CNTNAP2: variants seen among roughly 807,000 people sequenced by gnomAD.
CNTNAP2 encodes the protein contactin associated protein 2.
A neutral mutation model predicts 155.2 loss-of-function variants in CNTNAP2; 98 were observed. The ratio of observed to expected loss-of-function variants is 0.63; its 90% confidence interval spans 0.54 to 0.75. The LOEUF is 0.75. Ranked by LOEUF, CNTNAP2 falls within the 30% of genes least tolerant of loss-of-function variation. The pLI, the probability that CNTNAP2 is intolerant of heterozygous loss-of-function variation, is 0.00. For synonymous variants in CNTNAP2, 651 were observed against 631.2 expected, an observed-to-expected ratio of 1.03 and a Z score of -0.47; for missense variants, 1,727 against 1,688.1, an observed-to-expected ratio of 1.02 and a Z score of -0.40.
intron 10 of CNTNAP2, among the ~76,000 whole-genome samples, chr7:147,448,155 A>G (rs1049726924): frequency 6.6e-6 from 1 of 152,138 alleles, no homozygotes; most frequent in Non-Finnish European, 1.5e-5. Context: ...ATGAAAAGTG[A>G]TATATAGTAT....
chr7:146,508,178 T>G (rs930075367), intron 1 of CNTNAP2, among the ~76,000 whole-genome samples: 6 of 152,326 alleles, frequency 3.9e-5, no homozygotes, highest in African/African-American at 1.4e-4. Flanking sequence ...CTAGTCTCAG[T>G]TATCGCCATA....
intron 21 of CNTNAP2, among the ~76,000 whole-genome samples, chr7:148,358,370 G>A (rs968405328): frequency 6.6e-6 from 1 of 152,206 alleles, no homozygotes; most frequent in African/African-American, 2.4e-5. Context: ...GCAGCCATGA[G>A]ACCATGGCAA....
At position 147,622,113 on chromosome 7, in the gene CNTNAP2, CAG is replaced by C. The variant is rs1794869590; in HGVS notation, c.1898-16992_1898-16991del. On this transcript the variant is annotated intron_variant, in intron 12 of 23. Transcript: ENST00000361727. Reference sequence around the variant, plus strand: ...CAGTTTTAAATACATATGCATTTAACAGTGGAGTACCGCGATATATAAAGCAA... The same window carrying C: ...CAGTTTTAAATACATATGCATTTAACTGGAGTACCGCGATATATAAAGCAA... Among the ~76,000 whole-genome samples, 7 of 151,954 alleles carry C rather than the reference CAG, an allele frequency of 4.6e-5. No homozygotes were observed. In the South Asian group the frequency reaches 1.5e-3, roughly 31 times the overall value.
intron 5 of CNTNAP2, among the ~76,000 whole-genome samples, chr7:147,111,549 G>C (rs535061676): frequency 1.9e-4 from 29 of 152,252 alleles, no homozygotes; most frequent in African/African-American, 6.5e-4. Flanking sequence ...TTTTTGTACA[G>C]TGTAAGGAAG....
At chr7:147,181,737 T>C (rs1017490368) in intron 8 of CNTNAP2, among the ~76,000 whole-genome samples, 3 of 152,208 alleles carry the variant, frequency 2.0e-5, no homozygotes, top group African/African-American at 7.2e-5. Flanking sequence ...CTTTCAAAAA[T>C]ATAAAATACT....
intron 14 of CNTNAP2, among the ~76,000 whole-genome samples, chr7:147,921,300 A>G (rs1035134206): frequency 7.2e-5 from 11 of 152,146 alleles, no homozygotes; most frequent in Non-Finnish European, 1.2e-4. Flanking sequence ...CTCAATCTGT[A>G]TCTTTGGTGT....
intron 21 of CNTNAP2, among the ~76,000 whole-genome samples, chr7:148,352,594 C>T (rs1798446747): frequency 6.6e-6 from 1 of 152,218 alleles, no homozygotes; most frequent in Non-Finnish European, 1.5e-5. Context: ...AAGTGCCTGT[C>T]AAGCTAGAGC....
intron 13 of CNTNAP2, among the ~76,000 whole-genome samples, chr7:147,772,446 C>CCA (rs71527835): frequency 1.6e-5 from 1 of 63,744 alleles, no homozygotes; most frequent in Non-Finnish European, 2.8e-5. Context: ...CTCTCTCTCG[C>CCA]TATATATATA....
chr7:147,693,210 T>G (rs1294918054), intron 13 of CNTNAP2, among the ~76,000 whole-genome samples: 1 of 152,104 alleles, frequency 6.6e-6, no homozygotes, highest in Non-Finnish European at 1.5e-5. Flanking sequence ...AATCTATTTG[T>G]CTAATCTTTT....
chr7:148,413,486 T>G (rs1455393467), intron 23 of CNTNAP2, among the ~76,000 whole-genome samples: 4 of 142,128 alleles, frequency 2.8e-5, no homozygotes, highest in African/African-American at 1.0e-4. Flanking sequence ...CTGGTTTTAG[T>G]GTCAGGATAA....
chr7:148,389,805 A>T (rs939458619), intron 22 of CNTNAP2: 4 of 152,102 alleles, frequency 2.6e-5, no homozygotes, highest in Non-Finnish European at 4.4e-5. Context: ...GCTGCTGATG[A>T]TCACTCTTCT....
intron 15 of CNTNAP2, among the ~76,000 whole-genome samples, chr7:148,050,117 G>A (rs185776899): frequency 3.3e-5 from 5 of 152,142 alleles, no homozygotes; most frequent in African/African-American, 1.2e-4. Context: ...CCAAGATCGC[G>A]CCACTGCACT....
At chr7:147,354,350 A>G (rs1350994417) in intron 9 of CNTNAP2, among the ~76,000 whole-genome samples, 1 of 152,188 alleles carries the variant, frequency 6.6e-6, no homozygotes, top group African/African-American at 2.4e-5. Context: ...AGTTTTCCGC[A>G]TATGGCTAGC....
rs575300610 is a variant in CNTNAP2, at chr7:147,382,863, A to T, written c.1499-12746A>T. The stretch of plus-strand genomic sequence containing the variant: ...GATGTAGTACATTGTCAGCCAAAGA[A>T]AGATAAATTATCAAGAAGAGAGTGG... On this transcript the variant is annotated intron_variant, in intron 9 of 23. Transcript: ENST00000361727. Among the ~76,000 whole-genome samples, 4 of 152,294 alleles carry T rather than the reference A, an allele frequency of 2.6e-5. No homozygotes were observed. The South Asian group carries it at 8.3e-4, about 32-fold the overall frequency.
intron 13 of CNTNAP2, among the ~76,000 whole-genome samples, chr7:147,884,580 G>A (rs973227344): frequency 5.3e-5 from 8 of 152,076 alleles, no homozygotes; most frequent in South Asian, 2.1e-4. Context: ...AAAGGCTAAC[G>A]AAACAAGTTT....
intron 1 of CNTNAP2, among the ~76,000 whole-genome samples, chr7:146,657,298 T>A (rs1463413744): frequency 6.6e-6 from 1 of 152,200 alleles, no homozygotes; most frequent in Admixed American, 6.5e-5. Context: ...GCTTTACAGA[T>A]CTTTAATGTG....
chr7:147,724,315 G>A (rs1796611735), intron 13 of CNTNAP2, among the ~76,000 whole-genome samples: 1 of 151,982 alleles, frequency 6.6e-6, no homozygotes. Flanking sequence ...TAGAGTCCTA[G>A]AGGAATTATT....
At chr7:148,287,780 T>C (rs1214321708) in intron 21 of CNTNAP2, among the ~76,000 whole-genome samples, 2 of 117,694 alleles carry the variant, frequency 1.7e-5, no homozygotes, top group African/African-American at 3.3e-5. Flanking sequence ...TTCCTCTTTC[T>C]TTCTTTCTTT....
chr7:146,968,128 A>G (rs1257268701), intron 3 of CNTNAP2, among the ~76,000 whole-genome samples: 5 of 151,022 alleles, frequency 3.3e-5, no homozygotes, highest in African/African-American at 1.2e-4. Flanking sequence ...ATTTGCATAT[A>G]TTGAACCAGC....
Sources: allele counts gnomAD v4.1 joint callset (sites outside exome capture counted in the v4.1 genomes callset), GRCh38; gene constraint gnomAD v4.1.1; transcripts MANE v1.5; gene names NCBI Gene and HGNC (gene_info 2026-07-23, HGNC 2026-07-21).